The following RAB40B variants were observed in gnomAD, a reference collection of about 807,000 sequenced individuals.
RAB40B encodes the protein ras-related protein Rab-40B.
Under a neutral mutation model 24.0 loss-of-function variants are expected in RAB40B, and 21 were observed. The ratio of observed to expected loss-of-function variants is 0.88; its 90% confidence interval spans 0.62 to 1.26. The LOEUF is 1.26. Ranked by LOEUF, RAB40B falls within the 50% of genes most tolerant of loss-of-function variation. The pLI, the probability that RAB40B is intolerant of heterozygous loss-of-function variation, is 0.00. For synonymous variants in RAB40B, 167 were observed against 169.8 expected (o/e 0.98, Z 0.13); for missense variants, 348 against 390.5 (o/e 0.89, Z 0.92).
chr17:82,659,770 A>G (rs1443949965), intron 3 of RAB40B, 113 bp from the exon 4 acceptor site: 1 of 804,572 alleles, frequency 1.2e-6, no homozygotes, highest in Non-Finnish European at 2.1e-6. Flanking sequence ...AACACAAAGT[A>G]CATAATTTTG....
rs941513823 is a variant in RAB40B at position 82,692,976 on chromosome 17, G to A, written c.142+5479C>T. Among the ~76,000 whole-genome samples the A allele has an allele frequency of 5.7e-4, 87 of 152,008 alleles. No individual in the cohort carries two copies. Among genetic ancestry groups the A allele is most frequent in the African/African-American group, 2.0e-3 (83 of 41,392 alleles). ...AAATGAAAAAACAGACATAAGACTT[G>A]GGCATTTTTCTTCTTTCTGTTTCTA... On this transcript the variant is annotated intron_variant, in intron 1 of 5. Transcript: ENST00000571995. The surrounding 1 kb of genome is among the most constrained non-coding windows in gnomAD (Gnocchi z 4.0).
In RAB40B at chr17:82,697,293, C is replaced by A. The variant is rs1481324610; in HGVS notation, c.142+1162G>T. Among the ~76,000 whole-genome samples the A allele has an allele frequency of 6.6e-6, 1 of 152,150 alleles. No homozygotes were observed. Among genetic ancestry groups the A allele is most frequent in the Non-Finnish European group, 1.5e-5 (1 of 68,016 alleles). ...TGGTGCTCACGCCGCCTGCCTGGAG[C>A]TGCCCTTAGGGGACAGCCTGCACCC... On this transcript the variant is annotated intron_variant, in intron 1 of 5. Coordinates refer to ENST00000571995, the MANE Select transcript of RAB40B (RefSeq NM_006822.3). This position sits in a 1 kb window ranked among gnomAD's most constrained non-coding sequence, Gnocchi z 4.9.
chr17:82,679,414 T>C (rs966090326), intron 1 of RAB40B, among the ~76,000 whole-genome samples: 2 of 151,708 alleles, frequency 1.3e-5, no homozygotes, highest in Non-Finnish European at 2.9e-5. Context: ...CCCGAGTAGC[T>C]GGGACTACAG....
Position 82,658,711 on chromosome 17 carries a change from A to G in RAB40B, c.345T>C (p.His115=). 1 of 1,607,700 alleles carries G rather than the reference A, an allele frequency of 6.2e-7. No homozygotes were observed. Among genetic ancestry groups the G allele is most frequent in the Non-Finnish European group, 8.5e-7 (1 of 1,176,690 alleles). ...CCAGGATCTTGGGGACTCCGGGGGCATGCTAGCGGGCAGGAGAAAGGCGAG... is the reference window on the plus strand; with the variant it reads ...CCAGGATCTTGGGGACTCCGGGGGCGTGCTAGCGGGCAGGAGAAAGGCGAG... ...IDRWIKEIDE[H]APGVPKILVG... is the part of the protein sequence containing the mutation. The change falls in exon 5 of 6, where the codon CAT becomes CAC. Residue 115 remains histidine (H), a splice_region_variant and synonymous_variant. Coordinates refer to ENST00000571995, the MANE Select transcript of RAB40B (RefSeq NM_006822.3).
intron 3 of RAB40B, 109 bp downstream of exon 3, chr17:82,660,878 C>T (rs2046163281): frequency 7.2e-7 from 1 of 1,393,040 alleles, no homozygotes; most frequent in Non-Finnish European, 9.9e-7. Context: ...TATACGTAAG[C>T]TTAACCGCCT....
intron 1 of RAB40B, among the ~76,000 whole-genome samples, chr17:82,684,580 A>C (rs1042325984): frequency 6.6e-6 from 1 of 152,092 alleles, no homozygotes; most frequent in Non-Finnish European, 1.5e-5. Flanking sequence ...GTTCATCTCT[A>C]CTGTCCCACA....
intron 3 of RAB40B, 64 bp from the exon 4 acceptor site, chr17:82,659,721 C>T (rs988850822): frequency 3.7e-5 from 49 of 1,315,766 alleles, no homozygotes; most frequent in African/African-American, 5.8e-5. Context: ...TGGCCATGCA[C>T]GCAAAGACAT....
rs2046077820 is a variant in RAB40B, at chr17:82,654,974, A to G, written c.*2889T>C. 6.6e-6 allele frequency: 1 copy of G among 152,152 alleles called. No individual in the cohort carries two copies. Among genetic ancestry groups the G allele is most frequent in the African/African-American group, 2.4e-5 (1 of 41,432 alleles). 9.4% of individuals were successfully genotyped at this position (152,152 alleles called of 1,614,324 possible). A position where few individuals can be genotyped will look rare whatever the true frequency, so the allele number is the denominator to read the frequency against. On this transcript the variant is annotated 3_prime_UTR_variant, in exon 6 of 6. Transcript: ENST00000571995. ...GACAAGAAAATGACAAAGTTTCTCTAAGGTTTAATTTATATTTATGTTTTT... is the reference window on the plus strand; with the variant it reads ...GACAAGAAAATGACAAAGTTTCTCTGAGGTTTAATTTATATTTATGTTTTT...
At chr17:82,688,182 C>G (rs1215091685) in intron 1 of RAB40B, among the ~76,000 whole-genome samples, 1 of 152,136 alleles carries the variant, frequency 6.6e-6, no homozygotes, top group Non-Finnish European at 1.5e-5. Flanking sequence ...CCATCACGCC[C>G]AGCTAATTTT....
intron 1 of RAB40B, among the ~76,000 whole-genome samples, chr17:82,694,159 T>G (rs2046586108): frequency 6.6e-6 from 1 of 150,822 alleles, no homozygotes; most frequent in Admixed American, 6.6e-5. Context: ...TTTACTGAAC[T>G]AATCAATAAG....
chr17:82,686,021 C>T (rs1391446434), intron 1 of RAB40B, among the ~76,000 whole-genome samples: 1 of 151,800 alleles, frequency 6.6e-6, no homozygotes, highest in African/African-American at 2.4e-5. Context: ...CCAGGCTGGT[C>T]TCAAACTGCT....
intron 1 of RAB40B, 34 bp from the exon 2 acceptor site, chr17:82,664,590 G>A (rs1446058671): frequency 1.2e-6 from 2 of 1,600,666 alleles, no homozygotes; most frequent in African/African-American, 2.7e-5. Context: ...TAGGCCTGAG[G>A]CTGCAGCTAA....
intron 1 of RAB40B, among the ~76,000 whole-genome samples, chr17:82,666,036 C>T (rs1158585674): frequency 3.1e-5 from 3 of 97,270 alleles, no homozygotes; most frequent in Non-Finnish European, 5.1e-5. Flanking sequence ...ACCACTGCAC[C>T]TGCCACCACA....
rs535032487 is a variant in RAB40B, at chr17:82,667,881, C to T, written c.143-3325G>A. 2.0e-5 allele frequency among the ~76,000 whole-genome samples: 3 copies of T among 152,260 alleles called. No homozygotes were observed. Among genetic ancestry groups the T allele is most frequent in the South Asian group, 2.1e-4 (1 of 4,812 alleles). On this transcript the variant is annotated intron_variant, in intron 1 of 5. Coordinates refer to ENST00000571995, the MANE Select transcript of RAB40B (RefSeq NM_006822.3). The surrounding 1 kb of genome is among the most constrained non-coding windows in gnomAD (Gnocchi z 4.3). ...CCTGAGCTGGCCAAACGTTTGCCAC[C>T]GAGCCCAGCAGGCACGCTGAGTGCA...
Position 82,688,447 on chromosome 17 carries a change from T to C in RAB40B, c.142+10008A>G, listed in dbSNP as rs183109064. Among the ~76,000 whole-genome samples the C allele has an allele frequency of 2.5e-3, 378 of 151,532 alleles. 1 individual carries two copies. The highest frequency in any genetic ancestry group is 0.011 in the South Asian group (52 of 4,796). ...GACCAACATGGTGAAACCCCATCTC[T>C]ATTAAAAATACCAAAAAATTAGCCA... On this transcript the variant is annotated intron_variant, in intron 1 of 5. Coordinates refer to ENST00000571995, the MANE Select transcript of RAB40B (RefSeq NM_006822.3).
Position 82,698,687 on chromosome 17 carries a change from G to T in RAB40B, c.-91C>A. On this transcript the variant is annotated 5_prime_UTR_variant, in exon 1 of 6. Coordinates refer to ENST00000571995, the MANE Select transcript of RAB40B (RefSeq NM_006822.3). ...CCCCGAGAGGCGCCGCGCGGGCCCCGAGTCCTTGCTCGCCTCCGGCCCCGC... is the reference window on the plus strand; with the variant it reads ...CCCCGAGAGGCGCCGCGCGGGCCCCTAGTCCTTGCTCGCCTCCGGCCCCGC... The T allele has an allele frequency of 4.9e-6, 5 of 1,024,600 alleles. No homozygotes were observed. Among genetic ancestry groups the T allele is most frequent in the Non-Finnish European group, 6.1e-6 (5 of 826,320 alleles). The allele number at this position is 1,024,600 out of a possible 1,614,324, so 63.5% of individuals were successfully genotyped here.
At chr17:82,686,000 C>T (rs1265500635) in intron 1 of RAB40B, among the ~76,000 whole-genome samples, 6 of 152,034 alleles carry the variant, frequency 3.9e-5, no homozygotes, top group African/African-American at 1.4e-4. Flanking sequence ...GACGGGGTTT[C>T]ACCATGTTGG....
rs943373890 is a variant in RAB40B, at chr17:82,656,530, C to G, written c.*1333G>C. ...GCACGGCTCTGATTTCTCAGACAGG[C>G]ACATGCCTGGGTGCCAGCTTTTAAC... On this transcript the variant is annotated 3_prime_UTR_variant, in exon 6 of 6. Coordinates refer to ENST00000571995, the MANE Select transcript of RAB40B (RefSeq NM_006822.3). 1 of 152,200 alleles carries G rather than the reference C, an allele frequency of 6.6e-6. No homozygotes were observed. Among genetic ancestry groups the G allele is most frequent in the Non-Finnish European group, 1.5e-5 (1 of 68,046 alleles). 9.4% of individuals were successfully genotyped at this position (152,200 alleles called of 1,614,324 possible). A position where few individuals can be genotyped will look rare whatever the true frequency, so the allele number is the denominator to read the frequency against.
At chr17:82,670,129 C>A (rs1450294195) in intron 1 of RAB40B, among the ~76,000 whole-genome samples, 1 of 151,194 alleles carries the variant, frequency 6.6e-6, no homozygotes, top group Non-Finnish European at 1.5e-5. Flanking sequence ...TTGGCTGGGT[C>A]CTCTGACTTA....
Sources: gnomAD v4.1 joint callset for allele counts (sites outside exome capture counted in the v4.1 genomes callset) on GRCh38, gnomAD v4.1.1 for gene constraint, Gnocchi (gnomAD v3.1) non-coding constraint, MANE v1.5 for transcripts, NCBI Gene and HGNC (gene_info 2026-07-23, HGNC 2026-07-21) for gene names.